Variants in KMT2C observed in about 807,000 individuals in gnomAD.
The protein encoded by KMT2C is histone-lysine N-methyltransferase 2C.
KMT2C carries 88 observed loss-of-function variants against 507.9 expected under a neutral mutation model. The observed-to-expected ratio is 0.17, with a 90% CI of 0.15 to 0.21. KMT2C has a LOEUF of 0.21. KMT2C is among the 10% of genes least tolerant of loss of function. The pLI is 1.00. For missense variants in KMT2C, 4,954 were observed against 5,957.8 expected (o/e 0.83, Z 5.55); for synonymous variants, 2,049 against 2,080.8 (o/e 0.98, Z 0.42).
chr7:152,385,657 G>A (rs532932857), intron 1 of KMT2C, among the ~76,000 whole-genome samples: 30 of 126,544 alleles, frequency 2.4e-4, no homozygotes, highest in Middle Eastern at 4.5e-3. Context: ...AAATTGAGAC[G>A]TGTTTACCTG....
chr7:152,267,718 T>C (rs1476388326), intron 7 of KMT2C, among the ~76,000 whole-genome samples: 4 of 152,216 alleles, frequency 2.6e-5, no homozygotes, highest in African/African-American at 9.6e-5. Flanking sequence ...CTTTCAAAAA[T>C]GTAAATCTAA....
chr7:152,266,772 T>G (rs1428157848), intron 7 of KMT2C, among the ~76,000 whole-genome samples: 1 of 152,198 alleles, frequency 6.6e-6, no homozygotes, highest in Non-Finnish European at 1.5e-5. Flanking sequence ...TTGCACTCTT[T>G]TAAAAATGTA....
rs372982101 is a variant in KMT2C, at chr7:152,259,446, GCACACACACACACACACACACA to G, written c.1299+3548_1299+3569del. 5.0e-4 allele frequency among the ~76,000 whole-genome samples: 68 copies of G among 134,786 alleles called. No homozygotes were observed. In the East Asian group the frequency reaches 0.012, roughly 24 times the overall value. 88.4% of individuals were successfully genotyped at this position (134,786 alleles called of 152,430 possible). ...GACAAAAACACAGACACACACACGC[GCACACACACACACACACACACA>G]CACACACACACACACACACACAGAG... On this transcript the variant is annotated intron_variant, in intron 9 of 58. Coordinates refer to ENST00000262189, the MANE Select transcript of KMT2C (RefSeq NM_170606.3).
chr7:152,169,641 T>C (rs900410880), intron 40 of KMT2C, among the ~76,000 whole-genome samples: 1 of 152,184 alleles, frequency 6.6e-6, no homozygotes, highest in Non-Finnish European at 1.5e-5. Flanking sequence ...ATTGACTAAA[T>C]GCCACTCCAC....
chr7:152,384,555 C>CACTACT (rs201408165), intron 1 of KMT2C, among the ~76,000 whole-genome samples: 1 of 78,830 alleles, frequency 1.3e-5, no homozygotes, highest in East Asian at 2.9e-4. Flanking sequence ...ATAACACCAC[C>CACTACT]ACCACCACCA....
At chr7:152,435,532 C>T in intron 1 of KMT2C, 94 bp downstream of exon 1, 1 of 673,568 alleles carries the variant, frequency 1.5e-6, no homozygotes, top group Non-Finnish European at 1.8e-6. Context: ...CCGGGGGGCG[C>T]CGGGGCGCGG....
intron 1 of KMT2C, among the ~76,000 whole-genome samples, chr7:152,428,458 CAAAAAAAA>C (rs140697569): frequency 1.4e-3 from 103 of 73,520 alleles, no homozygotes; most frequent in Non-Finnish European, 7.3e-4. Flanking sequence ...ACTAAAAATA[CAAAAAAAA>C]AAAAAAAAAA....
At chr7:152,348,744 T>C (rs1186740815) in intron 2 of KMT2C, among the ~76,000 whole-genome samples, 1 of 150,944 alleles carries the variant, frequency 6.6e-6, no homozygotes, top group Admixed American at 6.6e-5. Flanking sequence ...GAAATGAAAA[T>C]TAAAACAACA....
At chr7:152,391,575 C>A in intron 1 of KMT2C, among the ~76,000 whole-genome samples, 2 of 143,676 alleles carry the variant, frequency 1.4e-5, no homozygotes, top group African/African-American at 2.7e-5. Context: ...GACACAGAGT[C>A]TCTGGCACAC....
chr7:152,250,082 T>C (rs1259627582), intron 12 of KMT2C, 129 bp from the exon 13 acceptor site: 1 of 567,700 alleles, frequency 1.8e-6, no homozygotes, highest in South Asian at 2.5e-5. Flanking sequence ...TGAAACATTG[T>C]ACCACTTATT....
At chr7:152,199,523 G>T in intron 26 of KMT2C, 64 bp from the exon 27 acceptor site, 1 of 1,038,918 alleles carries the variant, frequency 9.6e-7, no homozygotes, top group Non-Finnish European at 1.4e-6. Context: ...AGATTATTCT[G>T]TCATGGTTTT....
At chr7:152,170,237 A>G (rs1396739189) in intron 40 of KMT2C, among the ~76,000 whole-genome samples, 1 of 152,200 alleles carries the variant, frequency 6.6e-6, no homozygotes, top group African/African-American at 2.4e-5. Context: ...CATTATATCA[A>G]ATGGCTTCTG....
chr7:152,156,651 G>A (rs147087885), intron 44 of KMT2C, among the ~76,000 whole-genome samples: 20 of 152,174 alleles, frequency 1.3e-4, no homozygotes, highest in Non-Finnish European at 2.8e-4. Flanking sequence ...CAAGTTTCGT[G>A]GTTATAGCTA....
chr7:152,185,475 ATTTG>A (rs949444497), intron 34 of KMT2C, 79 bp downstream of exon 34: 4 of 1,016,214 alleles, frequency 3.9e-6, no homozygotes, highest in Middle Eastern at 2.1e-4. Context: ...TGAAATGGAA[ATTTG>A]TTTTTTATTA....
At chr7:152,153,889 C>A in intron 48 of KMT2C, 121 bp downstream of exon 48, 3 of 980,796 alleles carry the variant, frequency 3.1e-6, no homozygotes, top group Non-Finnish European at 4.6e-6. Context: ...AGCATCAGCT[C>A]TGCTCTCTGA....
intron 18 of KMT2C, 123 bp from the exon 19 acceptor site, chr7:152,224,739 A>T (rs1164649321): frequency 2.8e-6 from 2 of 717,560 alleles, no homozygotes; most frequent in Admixed American, 5.4e-5. Context: ...ACTAACATTT[A>T]TTGAGCACCT....
rs2129092996 is a variant in KMT2C, at chr7:152,144,936, T to A, written c.14175-55A>T. ...AAATACAAGGAAAACTGAAGATACC[T>A]CTGAGTAATGCCCAAAACCAGGTTA... On this transcript the variant is annotated intron_variant, in intron 54 of 58. Coordinates refer to ENST00000262189, the MANE Select transcript of KMT2C (RefSeq NM_170606.3). This position sits in a 1 kb window ranked among gnomAD's most constrained non-coding sequence, Gnocchi z 4.4. 2 of 1,529,184 alleles carry A rather than the reference T, an allele frequency of 1.3e-6. No homozygotes were observed. Among genetic ancestry groups the A allele is most frequent in the Non-Finnish European group, 1.8e-6 (2 of 1,127,860 alleles). The allele number at this position is 1,529,184 out of a possible 1,614,324, so 94.7% of individuals were successfully genotyped here.
chr7:152,152,620 T>C, intron 49 of KMT2C, 85 bp downstream of exon 49: 1 of 1,505,686 alleles, frequency 6.6e-7, no homozygotes, highest in South Asian at 1.2e-5. Context: ...TGTCCGTTGT[T>C]AAAAGATAAT....
intron 1 of KMT2C, among the ~76,000 whole-genome samples, chr7:152,383,620 A>G (rs2097394342): frequency 6.6e-6 from 1 of 152,220 alleles, no homozygotes; most frequent in African/African-American, 2.4e-5. Context: ...ATAAAACCAG[A>G]AAGGCAATAA....
Sources: allele counts gnomAD v4.1 joint callset (sites outside exome capture counted in the v4.1 genomes callset), GRCh38; gene constraint gnomAD v4.1.1; non-coding constraint Gnocchi (gnomAD v3.1); transcripts MANE v1.5; gene names NCBI Gene and HGNC (gene_info 2026-07-23, HGNC 2026-07-21).